The following SORCS2 variants were observed in gnomAD, a reference collection of about 807,000 sequenced individuals.
SORCS2 encodes VPS10 domain-containing receptor SorCS2.
In SORCS2, 100 loss-of-function variants were observed where a neutral mutation model predicts 141.6. That is an observed-to-expected ratio of 0.71 (90% CI 0.60 to 0.83). The LOEUF (loss-of-function observed/expected upper bound fraction) is 0.83. Ranked by LOEUF, SORCS2 falls within the 40% of genes least tolerant of loss-of-function variation. The pLI, the probability that SORCS2 is intolerant of heterozygous loss-of-function variation, is 0.00. For missense variants in SORCS2, 1,646 were observed against 1,560.2 expected (o/e 1.05, Z -0.93); for synonymous variants, 789 against 676.9 (o/e 1.17, Z -2.57).
At chr4:7,267,355 C>G (rs777582305) in intron 1 of SORCS2, among the ~76,000 whole-genome samples, 4 of 152,176 alleles carry the variant, frequency 2.6e-5, no homozygotes, top group Admixed American at 6.5e-5. Context: ...GAGAAACCCC[C>G]GTGGTGGTAG....
intron 2 of SORCS2, among the ~76,000 whole-genome samples, chr4:7,436,433 C>T (rs952150808): frequency 6.6e-6 from 1 of 152,254 alleles, no homozygotes; most frequent in African/African-American, 2.4e-5. Context: ...GGCGTGAACG[C>T]AGCTGTGTGC....
At chr4:7,712,691 T>C (rs1341903292) in intron 14 of SORCS2, 42 bp from the exon 15 acceptor site, 1 of 1,612,928 alleles carries the variant, frequency 6.2e-7, no homozygotes, top group African/African-American at 1.3e-5. Flanking sequence ...CAAGGCCTAA[T>C]GAAGGTGGTT....
At position 7,195,130 on chromosome 4, in the gene SORCS2, C is replaced by T. The variant is rs545402794; in HGVS notation, c.480+2004C>T. On this transcript the variant is annotated intron_variant, in intron 1 of 26. Coordinates refer to ENST00000507866, the MANE Select transcript of SORCS2 (RefSeq NM_020777.3). The stretch of plus-strand genomic sequence containing the variant: ...TGAGGGCGGCAGCTGGGTTGGGTGA[C>T]TCCTCTGTGACTGGGTGGGCTTGCG... 2.3e-4 allele frequency among the ~76,000 whole-genome samples: 32 copies of T among 139,192 alleles called. No homozygotes were observed. In the South Asian group the frequency reaches 7.5e-3, roughly 33 times the overall value. 91.3% of individuals were successfully genotyped at this position (139,192 alleles called of 152,430 possible). A position where few individuals can be genotyped will look rare whatever the true frequency, so the allele number is the denominator to read the frequency against.
chr4:7,326,798 C>T lies in SORCS2; in HGVS notation c.481-69490C>T, dbSNP rs181916722. ...GGGGCCAGCCAAGCTTCCGCAGGCC[C>T]AGTGTCCGGGGCAGGAAGCGCTGCC... On this transcript the variant is annotated intron_variant, in intron 1 of 26. Coordinates refer to ENST00000507866, the MANE Select transcript of SORCS2 (RefSeq NM_020777.3). Among the ~76,000 whole-genome samples, 912 of 150,560 alleles carry T rather than the reference C, an allele frequency of 6.1e-3. 36 individuals are homozygous for T. The highest frequency in any genetic ancestry group is 0.053 in the Admixed American group (805 of 15,224).
At chr4:7,583,851 G>A (rs551509294) in intron 3 of SORCS2, among the ~76,000 whole-genome samples, 1 of 152,220 alleles carries the variant, frequency 6.6e-6, no homozygotes, top group Non-Finnish European at 1.5e-5. Context: ...AAGCTCAAAT[G>A]TGGTTCAGTT....
intron 3 of SORCS2, among the ~76,000 whole-genome samples, chr4:7,619,594 TG>T (rs1159258078): frequency 1.3e-5 from 2 of 152,178 alleles, no homozygotes; most frequent in Non-Finnish European, 2.9e-5. Flanking sequence ...CCAATGACTG[TG>T]GTCCCTGGAG....
In SORCS2 at chr4:7,403,989, ATATATATATT is replaced by A. The variant is rs1313936012; in HGVS notation, c.548+7636_548+7645del. 9.4e-3 allele frequency among the ~76,000 whole-genome samples: 73 copies of A among 7,756 alleles called. 1 individual carries two copies. The highest frequency in any genetic ancestry group is 0.12 in the Middle Eastern group (1 of 8). The allele number at this position is 7,756 out of a possible 152,430, so 5.1% of individuals were successfully genotyped here. A position where few individuals can be genotyped will look rare whatever the true frequency, so the allele number is the denominator to read the frequency against. ...TATATATATATATATATATATATAT[ATATATATATT>A]TTTTTTTTTTTTTTAGTATCCATTT... On this transcript the variant is annotated intron_variant, in intron 2 of 26. Transcript: ENST00000507866.
intron 2 of SORCS2, among the ~76,000 whole-genome samples, chr4:7,442,553 T>C (rs1335447388): frequency 7.0e-5 from 4 of 56,750 alleles, no homozygotes; most frequent in East Asian, 5.1e-4. Context: ...CCACCCCCTC[T>C]CCCAGCCCAG....
At chr4:7,440,980 A>G (rs1727623909) in intron 2 of SORCS2, among the ~76,000 whole-genome samples, 1 of 151,842 alleles carries the variant, frequency 6.6e-6, no homozygotes, top group Non-Finnish European at 1.5e-5. Context: ...GGCAGAAGGG[A>G]GTTTCGTGGG....
At chr4:7,393,138 G>C in intron 1 of SORCS2, among the ~76,000 whole-genome samples, 1 of 152,158 alleles carries the variant, frequency 6.6e-6, no homozygotes, top group East Asian at 1.9e-4. Context: ...GGCAGCCGCG[G>C]CCGACCTCTT....
At chr4:7,481,928 GTTGTTCAGA>G (rs1730663007) in intron 2 of SORCS2, among the ~76,000 whole-genome samples, 1 of 100,034 alleles carries the variant, frequency 1.0e-5, no homozygotes, top group African/African-American at 3.0e-5. Context: ...CACCCCTGAC[GTTGTTCAGA>G]CCTGTATCCC....
intron 3 of SORCS2, among the ~76,000 whole-genome samples, chr4:7,574,032 C>T (rs1238268131): frequency 4.6e-5 from 7 of 152,254 alleles, no homozygotes; most frequent in Admixed American, 1.3e-4. Context: ...CGTCTAGAAC[C>T]GTCCCCTCCT....
chr4:7,373,470 ATATATATATTTTTTTTT>A (rs1722393707), intron 1 of SORCS2, among the ~76,000 whole-genome samples: 2 of 61,100 alleles, frequency 3.3e-5, no homozygotes, highest in Non-Finnish European at 2.6e-5. Flanking sequence ...ATATATATAT[ATATATATATTTTTTTTT>A]TTTTTTTTTT....
At chr4:7,261,813 G>C (rs1365968798) in intron 1 of SORCS2, among the ~76,000 whole-genome samples, 1 of 152,180 alleles carries the variant, frequency 6.6e-6, no homozygotes, top group Non-Finnish European at 1.5e-5. Context: ...GCTTTGCCTG[G>C]GGAAGGGGCC....
At chr4:7,349,746 T>C (rs1720833801) in intron 1 of SORCS2, among the ~76,000 whole-genome samples, 1 of 152,178 alleles carries the variant, frequency 6.6e-6, no homozygotes, top group Non-Finnish European at 1.5e-5. Context: ...TTTGTTGGCA[T>C]TCCTCACTGG....
chr4:7,299,958 C>G (rs1717326783), intron 1 of SORCS2, among the ~76,000 whole-genome samples: 1 of 152,234 alleles, frequency 6.6e-6, no homozygotes, highest in Admixed American at 6.5e-5. Flanking sequence ...CAGCCAAATT[C>G]TAGCCCCTGC....
intron 2 of SORCS2, among the ~76,000 whole-genome samples, chr4:7,448,414 C>A (rs895128782): frequency 1.3e-5 from 2 of 151,138 alleles, no homozygotes; most frequent in East Asian, 3.9e-4. Flanking sequence ...TCTTCATTCC[C>A]TCCCTCCTTC....
intron 2 of SORCS2, among the ~76,000 whole-genome samples, chr4:7,453,198 G>A (rs1227098873): frequency 2.9e-5 from 4 of 139,344 alleles, no homozygotes; most frequent in African/African-American, 5.5e-5. Flanking sequence ...GTCAGGCTCC[G>A]TGTTGGGGTC....
At chr4:7,668,717 A>T (rs1435182871) in intron 8 of SORCS2, among the ~76,000 whole-genome samples, 1 of 152,202 alleles carries the variant, frequency 6.6e-6, no homozygotes, top group Non-Finnish European at 1.5e-5. Flanking sequence ...TTAAAAGCTA[A>T]TGGTTTCATT....
Sources: gnomAD v4.1 joint callset for allele counts (sites outside exome capture counted in the v4.1 genomes callset) on GRCh38, gnomAD v4.1.1 for gene constraint, MANE v1.5 for transcripts, NCBI Gene and HGNC (gene_info 2026-07-23, HGNC 2026-07-21) for gene names.